Variants in VPS13B observed in about 807,000 individuals in gnomAD.
VPS13B encodes the protein vacuolar protein sorting 13 homolog B, also known as intermembrane lipid transfer protein VPS13B.
Under a neutral mutation model 426.4 loss-of-function variants are expected in VPS13B, and 285 were observed. The observed-to-expected ratio is 0.67, with a 90% CI of 0.61 to 0.74. The LOEUF is 0.74. Ranked by LOEUF, VPS13B falls within the 30% of genes least tolerant of loss-of-function variation. The pLI is 0.00. For synonymous variants in VPS13B, 1,676 were observed against 1,676.4 expected (o/e 1.00, Z 0.01); for missense variants, 4,537 against 4,782.6 (o/e 0.95, Z 1.51).
rs1400113189 is a variant in VPS13B, at chr8:99,875,546, A to G, written c.11874A>G (p.Ala3958=). ...SMQIPCPVVA[A]EPPPSTVKTY... ...AAATACCATGCCCTGTGGTGGCTGC[A>G]GAACCTCCCCCCTCCACTGTTAAAA... is the stretch of plus-strand genomic sequence containing the variant. Residue 3958 remains alanine, a synonymous_variant, in exon 62 of 62, where the codon GCA becomes GCG. Transcript: ENST00000357162. The G allele has an allele frequency of 6.2e-7, 1 of 1,613,998 alleles. No individual in the cohort carries two copies. Among genetic ancestry groups the G allele is most frequent in the Non-Finnish European group, 8.5e-7 (1 of 1,179,966 alleles).
intron 19 of VPS13B, among the ~76,000 whole-genome samples, chr8:99,282,919 A>G (rs1198959433): frequency 6.6e-6 from 1 of 152,160 alleles, no homozygotes; most frequent in Non-Finnish European, 1.5e-5. Flanking sequence ...ACTTTTGGTC[A>G]TTGTTATTGG....
chr8:99,465,866 T>TTGGAAC (rs1404192403), intron 23 of VPS13B, among the ~76,000 whole-genome samples: 2 of 152,116 alleles, frequency 1.3e-5, no homozygotes, highest in Non-Finnish European at 2.9e-5. Context: ...TCCAGTCAAG[T>TTGGAAC]TATTGTGAAC....
At chr8:99,870,691 T>C in intron 59 of VPS13B, 94 bp from the exon 60 acceptor site, 1 of 1,182,288 alleles carries the variant, frequency 8.5e-7, no homozygotes, top group Non-Finnish European at 1.3e-6. Flanking sequence ...ATCTGTAACA[T>C]TTTATGGATG....
intron 36 of VPS13B, among the ~76,000 whole-genome samples, chr8:99,707,559 A>G (rs1285194251): frequency 2.0e-5 from 3 of 152,218 alleles, no homozygotes; most frequent in Non-Finnish European, 4.4e-5. Context: ...TGCATTTAGT[A>G]TTAGATAACT....
At chr8:99,540,456 G>A (rs976643928) in intron 30 of VPS13B, among the ~76,000 whole-genome samples, 4 of 152,010 alleles carry the variant, frequency 2.6e-5, no homozygotes, top group African/African-American at 9.7e-5. Flanking sequence ...CAGCTAAATT[G>A]GGAGTCATTT....
At chr8:99,146,989 T>A (rs1166170871) in intron 13 of VPS13B, among the ~76,000 whole-genome samples, 2 of 152,186 alleles carry the variant, frequency 1.3e-5, no homozygotes, top group Non-Finnish European at 2.9e-5. Context: ...TTCCTTCTAT[T>A]TTATTGTTCT....
rs370898001 is a variant in VPS13B at position 99,122,883 on chromosome 8, C to G, written c.1206+1438C>G. 9.9e-5 allele frequency among the ~76,000 whole-genome samples: 15 copies of G among 151,782 alleles called. No homozygotes were observed. The East Asian group carries it at 2.5e-3, about 25-fold the overall frequency. On this transcript the variant is annotated intron_variant, in intron 8 of 61. Coordinates refer to ENST00000357162, the MANE Select transcript of VPS13B (RefSeq NM_152564.5). ...ATCCCAGCATTTTGGGAGGCCGAGG[C>G]GGCCAGATCACCTGAGATCTGGAAT...
chr8:99,387,501 G>T (rs1375411151), intron 20 of VPS13B, among the ~76,000 whole-genome samples: 1 of 152,096 alleles, frequency 6.6e-6, no homozygotes, highest in Non-Finnish European at 1.5e-5. Flanking sequence ...GAGATTACAG[G>T]CATGAACCCC....
intron 17 of VPS13B, among the ~76,000 whole-genome samples, chr8:99,271,207 T>C (rs529400037): frequency 1.8e-5 from 2 of 112,610 alleles, no homozygotes; most frequent in African/African-American, 5.7e-5. Flanking sequence ...CTACTACTAC[T>C]ACTACTACTA....
chr8:99,277,973 G>A (rs978284939), intron 19 of VPS13B, among the ~76,000 whole-genome samples: 1 of 152,126 alleles, frequency 6.6e-6, no homozygotes, highest in Non-Finnish European at 1.5e-5. Flanking sequence ...GAATCTTTCT[G>A]GAGGCTTAAG....
chr8:99,069,049 T>C (rs1363589179), intron 3 of VPS13B, among the ~76,000 whole-genome samples: 3 of 152,158 alleles, frequency 2.0e-5, no homozygotes, highest in Non-Finnish European at 4.4e-5. Flanking sequence ...TTAAAAATTA[T>C]ATATATTTTT....
intron 30 of VPS13B, among the ~76,000 whole-genome samples, chr8:99,542,684 G>A (rs895930709): frequency 2.0e-5 from 3 of 152,086 alleles, no homozygotes; most frequent in Admixed American, 1.3e-4. Context: ...GATCAGGTTT[G>A]AACCATTTTG....
At chr8:99,762,089 A>G (rs1810961092) in intron 39 of VPS13B, among the ~76,000 whole-genome samples, 1 of 151,904 alleles carries the variant, frequency 6.6e-6, no homozygotes, top group African/African-American at 2.4e-5. Context: ...GCAGTGGCAC[A>G]ATCATGGCTC....
chr8:99,062,472 T>C (rs975180695), intron 3 of VPS13B, among the ~76,000 whole-genome samples: 5 of 152,170 alleles, frequency 3.3e-5, no homozygotes, highest in Non-Finnish European at 7.3e-5. Context: ...CTTTATTATA[T>C]GTTTATTTTT....
chr8:99,673,741 G>A (rs764334265), intron 35 of VPS13B, among the ~76,000 whole-genome samples: 1 of 151,848 alleles, frequency 6.6e-6, no homozygotes, highest in African/African-American at 2.4e-5. Context: ...GGTATTTACT[G>A]CTGGAAAATT....
At chr8:99,086,123 C>T (rs189866778) in intron 3 of VPS13B, among the ~76,000 whole-genome samples, 160 of 152,300 alleles carry the variant, frequency 1.1e-3, no homozygotes, top group African/African-American at 3.7e-3. Flanking sequence ...GGTTTTTTCA[C>T]ATAGTCCCAT....
chr8:99,313,579 C>T (rs983835150), intron 19 of VPS13B, among the ~76,000 whole-genome samples: 11 of 152,180 alleles, frequency 7.2e-5, no homozygotes, highest in Non-Finnish European at 1.5e-4. Context: ...TCTGCCCTTA[C>T]TGGAGGGTGC....
Position 99,263,527 on chromosome 8 carries a change from T to C in VPS13B, c.2516-10671T>C, listed in dbSNP as rs549183945. Among the ~76,000 whole-genome samples the C allele has an allele frequency of 2.6e-5, 4 of 152,252 alleles. No individual in the cohort carries two copies. In the South Asian group the frequency reaches 8.3e-4, roughly 32 times the overall value. ...TACAGGCTCTAAGATAAAACCCCTT[T>C]CCCTGCTTTTTCTAGCTTTTAGAAA... is the stretch of plus-strand genomic sequence containing the variant. On this transcript the variant is annotated intron_variant, in intron 17 of 61. Transcript: ENST00000357162.
intron 16 of VPS13B, among the ~76,000 whole-genome samples, chr8:99,180,202 C>T (rs535405734): frequency 6.6e-6 from 1 of 152,180 alleles, no homozygotes; most frequent in East Asian, 1.9e-4. Context: ...TGTTTGCTAC[C>T]ACACATCAGT....
Sources: gnomAD v4.1 joint callset for allele counts (sites outside exome capture counted in the v4.1 genomes callset) on GRCh38, gnomAD v4.1.1 for gene constraint, MANE v1.5 for transcripts, NCBI Gene and HGNC (gene_info 2026-07-23, HGNC 2026-07-21) for gene names.